BPHL: variants seen among roughly 807,000 people sequenced by gnomAD.
BPHL encodes the protein serine hydrolase BPHL.
In BPHL, 27 loss-of-function variants were observed where a neutral mutation model predicts 31.2. That is an observed-to-expected ratio of 0.87 (90% CI 0.64 to 1.19). The LOEUF is 1.19. Ranked by LOEUF, BPHL falls within the 50% of genes most tolerant of loss-of-function variation. BPHL has a pLI of 0.00. For synonymous variants in BPHL, 150 were observed against 146.8 expected (o/e 1.02, Z -0.16); for missense variants, 356 against 375.7 (o/e 0.95, Z 0.43).
chr6:3,151,359 T>C (rs1398008400), intron 6 of BPHL, among the ~76,000 whole-genome samples: 8 of 152,192 alleles, frequency 5.3e-5, no homozygotes, highest in Admixed American at 2.0e-4. Flanking sequence ...ATTTAGAATG[T>C]CGTGATTGTT....
At chr6:3,141,800 C>T (rs1358013178) in intron 6 of BPHL, among the ~76,000 whole-genome samples, 2 of 151,918 alleles carry the variant, frequency 1.3e-5, no homozygotes, top group Non-Finnish European at 2.9e-5. Flanking sequence ...ATGGCGAAAC[C>T]CCATCTGTAC....
intron 6 of BPHL, among the ~76,000 whole-genome samples, chr6:3,144,270 C>T (rs1210099987): frequency 6.6e-6 from 1 of 151,634 alleles, no homozygotes; most frequent in Non-Finnish European, 1.5e-5. Context: ...GGTTTCACGG[C>T]GTTAGCCAGG....
At chr6:3,143,119 T>TGAGGCAGAGAATCACTTGAACCTGG (rs1159347990) in intron 6 of BPHL, among the ~76,000 whole-genome samples, 1 of 152,122 alleles carries the variant, frequency 6.6e-6, no homozygotes, top group Non-Finnish European at 1.5e-5. Context: ...CTCAAGATGC[T>TGAGGCAGAGAATCACTTGAACCTGG]GAGGCAGAGA....
intron 6 of BPHL, among the ~76,000 whole-genome samples, chr6:3,146,426 T>A (rs1332548643): frequency 1.5e-5 from 2 of 136,008 alleles, no homozygotes; most frequent in African/African-American, 6.0e-5. Context: ...GAGTGCTGGT[T>A]TGGGTCGGAG....
intron 5 of BPHL, chr6:3,138,298 CTGAGACACCA>C (rs1762070223): frequency 5.0e-6 from 1 of 200,302 alleles, no homozygotes; most frequent in South Asian, 6.7e-5. Flanking sequence ...GATTACAGGC[CTGAGACACCA>C]TGCCCAGCCT....
intron 1 of BPHL, among the ~76,000 whole-genome samples, chr6:3,120,059 G>A (rs1217282606): frequency 6.6e-6 from 1 of 150,820 alleles, no homozygotes; most frequent in African/African-American, 2.5e-5. Context: ...TTTTGAGACT[G>A]ACTCTCGCTC....
chr6:3,119,325 G>A (rs2231358), intron 1 of BPHL: 3 of 1,550,784 alleles, frequency 1.9e-6, no homozygotes, highest in South Asian at 1.2e-5. Context: ...CTTTAATCAC[G>A]GGTCCCGAGA....
chr6:3,137,698 T>C (rs1045897297), intron 5 of BPHL, among the ~76,000 whole-genome samples: 3 of 152,192 alleles, frequency 2.0e-5, no homozygotes, highest in Non-Finnish European at 4.4e-5. Context: ...TAGGACTGCG[T>C]GTCCAAAGGT....
chr6:3,123,966 C>T lies in BPHL; in HGVS notation c.211+206C>T, dbSNP rs1381878501. 4 of 366,634 alleles carry T rather than the reference C, an allele frequency of 1.1e-5. No individual in the cohort carries two copies. The East Asian group carries it at 1.8e-4, about 16-fold the overall frequency. 22.7% of individuals were successfully genotyped at this position (366,634 alleles called of 1,614,324 possible). A position where few individuals can be genotyped will look rare whatever the true frequency, so the allele number is the denominator to read the frequency against. On this transcript the variant is annotated intron_variant, in intron 2 of 6. Coordinates refer to ENST00000380379, the MANE Select transcript of BPHL (RefSeq NM_004332.4). The stretch of plus-strand genomic sequence containing the variant: ...GATTTTTTATTCCTTTAGTAAAGTA[C>T]CCAGTTTTTCCTATTGCAAGTACTC...
chr6:3,141,159 T>C (rs1043061795), intron 6 of BPHL, among the ~76,000 whole-genome samples: 1 of 152,250 alleles, frequency 6.6e-6, no homozygotes, highest in Non-Finnish European at 1.5e-5. Flanking sequence ...ATATCCATAA[T>C]GGATAGTGCT....
intron 5 of BPHL, chr6:3,139,541 C>T (rs572872999): frequency 6.6e-6 from 1 of 152,332 alleles, no homozygotes; most frequent in East Asian, 1.9e-4. Flanking sequence ...GGCCTGGGGC[C>T]CGTGCAGGGC....
At chr6:3,131,101 GA>G (rs768979694) in intron 4 of BPHL, among the ~76,000 whole-genome samples, 22 of 152,110 alleles carry the variant, frequency 1.4e-4, no homozygotes, top group Non-Finnish European at 3.2e-4. Flanking sequence ...TCTTCCTCCA[GA>G]AAGTTGCCAC....
At chr6:3,125,724 C>T (rs1761693484) in intron 2 of BPHL, among the ~76,000 whole-genome samples, 1 of 152,108 alleles carries the variant, frequency 6.6e-6, no homozygotes, top group Non-Finnish European at 1.5e-5. Context: ...CAGATGTGGG[C>T]TGGAGATCTA....
At chr6:3,121,430 G>T (rs150641760) in intron 1 of BPHL, among the ~76,000 whole-genome samples, 7 of 150,776 alleles carry the variant, frequency 4.6e-5, no homozygotes, top group African/African-American at 7.3e-5. Flanking sequence ...CTTCTGAGTA[G>T]CTGGGATTAC....
At chr6:3,150,527 T>C (rs1380553509) in intron 6 of BPHL, among the ~76,000 whole-genome samples, 2 of 152,244 alleles carry the variant, frequency 1.3e-5, no homozygotes, top group African/African-American at 2.4e-5. Context: ...GAGGAACTCG[T>C]GTTCATCCTC....
At chr6:3,123,930 G>A in intron 2 of BPHL, 170 bp downstream of exon 2, 1 of 512,250 alleles carries the variant, frequency 2.0e-6, no homozygotes, top group Non-Finnish European at 3.3e-6. Context: ...TTCTACTGCT[G>A]TTCAGAATTG....
chr6:3,130,087 G>T (rs1043106225), intron 4 of BPHL, among the ~76,000 whole-genome samples: 1 of 152,172 alleles, frequency 6.6e-6, no homozygotes, highest in African/African-American at 2.4e-5. Context: ...GATTACCAGC[G>T]TGAGCCCCCA....
chr6:3,127,163 T>G (rs1761737845), intron 2 of BPHL, 79 bp from the exon 3 acceptor site: 2 of 1,010,478 alleles, frequency 2.0e-6, no homozygotes, highest in Admixed American at 2.6e-5. Flanking sequence ...CTTTTAAGAT[T>G]GTTATTGCTT....
intron 6 of BPHL, among the ~76,000 whole-genome samples, chr6:3,144,477 C>G (rs1025817745): frequency 1.3e-5 from 2 of 151,162 alleles, no homozygotes; most frequent in African/African-American, 4.9e-5. Flanking sequence ...CCTTGAACTC[C>G]TGGACTCAAG....
Sources: allele counts gnomAD v4.1 joint callset (sites outside exome capture counted in the v4.1 genomes callset), GRCh38; gene constraint gnomAD v4.1.1; transcripts MANE v1.5; gene names NCBI Gene and HGNC (gene_info 2026-07-23, HGNC 2026-07-21).